Variants in RMDN1 observed in about 807,000 individuals in gnomAD.
RMDN1 encodes regulator of microtubule dynamics 1, also known as regulator of microtubule dynamics protein 1.
Under a neutral mutation model 48.9 loss-of-function variants are expected in RMDN1, and 48 were observed. The ratio of observed to expected loss-of-function variants is 0.98; its 90% CI spans 0.78 to 1.25. The LOEUF (loss-of-function observed/expected upper bound fraction) is 1.25, where lower values mean the gene tolerates loss of function less well. RMDN1 is among the 50% of genes most tolerant of loss of function. RMDN1 has a pLI of 0.00. For missense variants in RMDN1, 418 were observed against 373.4 expected (o/e 1.12, Z -0.98); for synonymous variants, 148 against 132.6 (o/e 1.12, Z -0.80).
chr8:86,477,273 G>C, intron 8 of RMDN1, 21 bp downstream of exon 8: 1 of 1,564,036 alleles, frequency 6.4e-7, no homozygotes, highest in African/African-American at 1.4e-5. Context: ...ATATTAATAT[G>C]TGTAATCAAA....
chr8:86,473,209 C>T lies in RMDN1; in HGVS notation c.*1099G>A. 1.0e-6 allele frequency: 1 copy of T among 979,024 alleles called. No homozygotes were observed. The highest frequency in any genetic ancestry group is 1.2e-6 in the Non-Finnish European group (1 of 829,744). 60.6% of individuals were successfully genotyped at this position (979,024 alleles called of 1,614,324 possible). On this transcript the variant is annotated 3_prime_UTR_variant, in exon 10 of 10. Transcript: ENST00000406452. Reference sequence around the variant, plus strand: ...ATCCATACAGTTCATTGTAACATTACAATTCCCAAATCCTTTGGGAAAAAT... The same window carrying T: ...ATCCATACAGTTCATTGTAACATTATAATTCCCAAATCCTTTGGGAAAAAT...
chr8:86,477,699 T>A lies in RMDN1; in HGVS notation c.730-375A>T, dbSNP rs577674262. On this transcript the variant is annotated intron_variant, in intron 7 of 9. Transcript: ENST00000406452. ...ATAATCAAAAGCTGAATTTATTCGT[T>A]GTACTAGTGAATTTTTAAGAGTCCA... is the stretch of plus-strand genomic sequence containing the variant. 2.6e-5 allele frequency among the ~76,000 whole-genome samples: 4 copies of A among 152,338 alleles called. No individual in the cohort carries two copies. In the South Asian group the frequency reaches 8.3e-4, roughly 32 times the overall value.
At chr8:86,479,296 T>C (rs1041776772) in intron 6 of RMDN1, among the ~76,000 whole-genome samples, 1 of 152,164 alleles carries the variant, frequency 6.6e-6, no homozygotes, top group African/African-American at 2.4e-5. Context: ...ATTCTCTCAT[T>C]TATTCCTTGT....
intron 2 of RMDN1, among the ~76,000 whole-genome samples, chr8:86,496,106 G>C (rs1817299159): frequency 6.6e-6 from 1 of 152,204 alleles, no homozygotes; most frequent in Admixed American, 6.5e-5. Flanking sequence ...CAAATGCTAA[G>C]GGAATTTCTT....
In RMDN1 at chr8:86,477,197, C is replaced by A. The variant is rs904843355; in HGVS notation, c.760+97G>T. The stretch of plus-strand genomic sequence containing the variant: ...GTATCTAGCACAAAAATAAGTATAA[C>A]AGAATAAACAACTGCTTTAGACATT... On this transcript the variant is annotated intron_variant, in intron 8 of 9. Coordinates refer to ENST00000406452, the MANE Select transcript of RMDN1 (RefSeq NM_016033.3). The A allele has an allele frequency of 4.8e-6, 4 of 826,852 alleles. No homozygotes were observed. The African/African-American group carries it at 5.3e-5, about 11-fold the overall frequency. 51.2% of individuals were successfully genotyped at this position (826,852 alleles called of 1,614,324 possible). A position where few individuals can be genotyped will look rare whatever the true frequency, so the allele number is the denominator to read the frequency against.
In RMDN1 at chr8:86,489,987, C is replaced by A. The variant is rs545541511; in HGVS notation, c.248-1348G>T. ...AATTAAATGACAATGGCAAAAAAAA[C>A]CCCTAAAATTAAATAAAGATTATTT... On this transcript the variant is annotated intron_variant, in intron 2 of 9. Coordinates refer to ENST00000406452, the MANE Select transcript of RMDN1 (RefSeq NM_016033.3). Among the ~76,000 whole-genome samples the A allele has an allele frequency of 2.5e-3, 378 of 151,944 alleles. 2 individuals carry two copies. Among genetic ancestry groups the A allele is most frequent in the African/African-American group, 7.4e-3 (305 of 41,412 alleles).
At position 86,508,478 on chromosome 8, in the gene RMDN1, G is replaced by A; in HGVS notation, c.129+14C>T. The A allele has an allele frequency of 6.5e-7, 1 of 1,542,420 alleles. No homozygotes were observed. The highest frequency in any genetic ancestry group is 8.7e-7 in the Non-Finnish European group (1 of 1,144,188). ...GTAGGAAGTGAGGAGCGGGAGCCAGGACCACGGGGGTACCTCGAAGCCGCG... is the reference window on the plus strand; with the variant it reads ...GTAGGAAGTGAGGAGCGGGAGCCAGAACCACGGGGGTACCTCGAAGCCGCG... On this transcript the variant is annotated intron_variant, in intron 1 of 9. Coordinates refer to ENST00000406452, the MANE Select transcript of RMDN1 (RefSeq NM_016033.3).
intron 6 of RMDN1, 30 bp from the exon 7 acceptor site, chr8:86,479,040 T>C (rs762497589): frequency 4.7e-6 from 7 of 1,479,592 alleles, no homozygotes; most frequent in Non-Finnish European, 6.6e-6. Flanking sequence ...TTTTATACAT[T>C]CAAATTGTAC....
In RMDN1 at chr8:86,478,956, C is replaced by T. The variant is rs778341673; in HGVS notation, c.696G>A (p.Leu232=). 12 of 1,613,942 alleles carry T rather than the reference C, an allele frequency of 7.4e-6. No homozygotes were observed. In the South Asian group the frequency reaches 9.9e-5, roughly 13 times the overall value. Residue 232 remains leucine (L), a synonymous_variant, in exon 7 of 10, where the codon CTG becomes CTA. Transcript: ENST00000406452. ...AGGTGGAACTAGGAGGAGTTGCAAA[C>T]AGCATTTTAGCAATTCTTCTTTGAT... is the stretch of plus-strand genomic sequence containing the variant. The part of the protein sequence containing the change: ...PWYQRRIAKM[L]FATPPSSTYE...
In RMDN1 at chr8:86,486,539, A is replaced by G. The variant is rs1336179465; in HGVS notation, c.440T>C (p.Leu147Pro). The G allele has an allele frequency of 1.9e-6, 3 of 1,611,932 alleles. No homozygotes were observed. The highest frequency in any genetic ancestry group is 1.7e-6 in the Non-Finnish European group (2 of 1,178,666). Residue 147 changes from leucine (L) to proline (P), a missense_variant, in exon 4 of 10, where the codon CTA (leucine) becomes CCA (proline). Leu to Pro is a moderately conservative substitution (Grantham distance 98). Coordinates refer to ENST00000406452, the MANE Select transcript of RMDN1 (RefSeq NM_016033.3). ...TTCTAGTGCTCTTTTTGCATACTCT[A>G]GGGCTTCATACACCAATAGCTTTTT... is the stretch of plus-strand genomic sequence containing the variant. Reference protein sequence around the residue: ...EEKKLLVYEALEYAKRALEKN... With the variant: ...EEKKLLVYEAPEYAKRALEKN...
At chr8:86,503,778 C>T (rs1818805259) in intron 2 of RMDN1, 4 of 502,784 alleles carry the variant, frequency 8.0e-6, no homozygotes, top group South Asian at 1.7e-5. Flanking sequence ...TTGTCTGTGG[C>T]CATATTCTCC....
chr8:86,504,852 T>C, intron 2 of RMDN1: 2 of 1,073,418 alleles, frequency 1.9e-6, no homozygotes, highest in Non-Finnish European at 2.9e-6. Flanking sequence ...TGCTGCTTAT[T>C]ATTTAGGAGC....
chr8:86,498,479 C>T (rs1817720459), intron 2 of RMDN1, among the ~76,000 whole-genome samples: 1 of 151,980 alleles, frequency 6.6e-6, no homozygotes, highest in South Asian at 2.1e-4. Context: ...AGGTCATTAA[C>T]TCAGGTGAAG....
chr8:86,480,322 T>C lies in RMDN1; in HGVS notation c.596A>G (p.Glu199Gly). 1 of 1,529,046 alleles carries C rather than the reference T, an allele frequency of 6.5e-7. No individual in the cohort carries two copies. The highest frequency in any genetic ancestry group is 8.9e-7 in the Non-Finnish European group (1 of 1,123,250). 94.7% of individuals were successfully genotyped at this position (1,529,046 alleles called of 1,614,324 possible). A position where few individuals can be genotyped will look rare whatever the true frequency, so the allele number is the denominator to read the frequency against. ...TGAAGTAGCATCTTTAGGGTTCAGTTCAATTGCTTTCTAACAAGAAATGAG... is the reference window on the plus strand; with the variant it reads ...TGAAGTAGCATCTTTAGGGTTCAGTCCAATTGCTTTCTAACAAGAAATGAG... The part of the protein sequence containing the change: ...IIKEHFEKAI[E>G]LNPKDATSIH... The change falls in exon 6 of 10, where the codon GAA becomes GGA. Residue 199 changes from glutamate to glycine, a missense_variant. Coordinates refer to ENST00000406452, the MANE Select transcript of RMDN1 (RefSeq NM_016033.3).
At position 86,478,965 on chromosome 8, in the gene RMDN1, A is replaced by G; in HGVS notation, c.687T>C (p.Ala229=). The G allele has an allele frequency of 6.2e-7, 1 of 1,614,058 alleles. No individual in the cohort carries two copies. Among genetic ancestry groups the G allele is most frequent in the Non-Finnish European group, 8.5e-7 (1 of 1,179,928 alleles). ...AEMPWYQRRI[A]KMLFATPPSS... ...TAGGAGGAGTTGCAAACAGCATTTT[A>G]GCAATTCTTCTTTGATACCAAGGCA... The change falls in exon 7 of 10, where the codon GCT becomes GCC. Residue 229 remains alanine (A), a synonymous_variant. Coordinates refer to ENST00000406452, the MANE Select transcript of RMDN1 (RefSeq NM_016033.3).
intron 5 of RMDN1, chr8:86,482,582 G>C: frequency 1.3e-6 from 1 of 749,210 alleles, no homozygotes; most frequent in Non-Finnish European, 2.5e-6. Context: ...AAGTTAATGA[G>C]TGAGTTTTTG....
chr8:86,471,379 T>C (rs1135451), downstream of RMDN1, among the ~76,000 whole-genome samples: 41,078 of 150,734 alleles, frequency 0.27, 6,431 homozygotes, highest in East Asian at 0.54. Flanking sequence ...TAAAATTACA[T>C]CCCTAGGGAA....
At chr8:86,480,409 G>T in intron 5 of RMDN1, 77 bp from the exon 6 acceptor site, 1 of 780,440 alleles carries the variant, frequency 1.3e-6, no homozygotes, top group African/African-American at 1.8e-5. Context: ...TGCTGAAGAA[G>T]CCATGATTTT....
rs149713762 is a variant in RMDN1 at position 86,486,508 on chromosome 8, A to G, written c.471T>C (p.Asn157=). The change falls in exon 4 of 10, where the codon AAT becomes AAC. Residue 157 remains asparagine, a synonymous_variant. Coordinates refer to ENST00000406452, the MANE Select transcript of RMDN1 (RefSeq NM_016033.3). ...CCTTATGAGATGCAAAACTTGATTC[A>G]TTTTTTTCTAGTGCTCTTTTTGCAT... The part of the protein sequence containing the change: ...LEYAKRALEK[N]ESSFASHKWY... 10 of 1,597,748 alleles carry G rather than the reference A, an allele frequency of 6.3e-6. No individual in the cohort carries two copies. Among genetic ancestry groups the G allele is most frequent in the Non-Finnish European group, 8.5e-6 (10 of 1,170,048 alleles).
Sources: allele counts gnomAD v4.1 joint callset (sites outside exome capture counted in the v4.1 genomes callset), GRCh38; gene constraint gnomAD v4.1.1; transcripts MANE v1.5; gene names NCBI Gene and HGNC (gene_info 2026-07-23, HGNC 2026-07-21).